Variants in TACC1 observed in about 807,000 individuals in gnomAD.
TACC1 encodes transforming acidic coiled-coil containing protein 1.
In TACC1, 48 loss-of-function variants were observed where a neutral mutation model predicts 84.4. The ratio of observed to expected loss-of-function variants is 0.57; its 90% CI spans 0.45 to 0.72. The LOEUF is 0.72. Ranked by LOEUF, TACC1 falls within the 30% of genes least tolerant of loss-of-function variation. The probability of loss-of-function intolerance (pLI) is 0.00; values close to 1 mark genes in which losing one functional copy is unlikely to be tolerated. For missense variants in TACC1, 920 were observed against 973.0 expected, an observed-to-expected ratio of 0.95 and a Z score of 0.72; for synonymous variants, 372 against 376.3, an observed-to-expected ratio of 0.99 and a Z score of 0.13.
intron 2 of TACC1, among the ~76,000 whole-genome samples, chr8:38,743,292 T>TTGAA (rs3076913): frequency 0.26 from 38,749 of 150,910 alleles, 5,445 homozygotes; most frequent in African/African-American, 0.37. Flanking sequence ...TATATATTTG[T>TTGAA]TGAATGAATG....
intron 2 of TACC1, among the ~76,000 whole-genome samples, chr8:38,791,250 T>C (rs540621920): frequency 1.7e-4 from 26 of 152,224 alleles, no homozygotes; most frequent in Admixed American, 9.8e-4. Flanking sequence ...GACTCTCACA[T>C]TTTTTTCATT....
Position 38,787,249 on chromosome 8 carries a change from G to A in TACC1, c.-334G>A, listed in dbSNP as rs1817426643. 1 of 1,025,452 alleles carries A rather than the reference G, an allele frequency of 9.8e-7. No individual in the cohort carries two copies. The allele number at this position is 1,025,452 out of a possible 1,614,324, so 63.5% of individuals were successfully genotyped here. Reference sequence around the variant, plus strand: ...GCCGGGAGGCGGGAGTCCGCGAGCCGGGAGCGGGAGCAGCAGAGGTCTAGC... The same window carrying A: ...GCCGGGAGGCGGGAGTCCGCGAGCCAGGAGCGGGAGCAGCAGAGGTCTAGC... On this transcript the variant is annotated 5_prime_UTR_variant, in exon 1 of 13. Transcript: ENST00000317827.
At chr8:38,746,291 G>T (rs1808078824) in intron 3 of TACC1, among the ~76,000 whole-genome samples, 1 of 152,158 alleles carries the variant, frequency 6.6e-6, no homozygotes, top group African/African-American at 2.4e-5. Flanking sequence ...CAAATGGAAA[G>T]CCCCCTTTTT....
intron 4 of TACC1, among the ~76,000 whole-genome samples, chr8:38,825,980 C>A (rs527550786): frequency 1.3e-5 from 2 of 152,242 alleles, no homozygotes; most frequent in African/African-American, 4.8e-5. Context: ...TACATTCTAG[C>A]AATAAATAAT....
At chr8:38,823,970 T>C (rs1428707106) in intron 3 of TACC1, 2 of 1,351,526 alleles carry the variant, frequency 1.5e-6, no homozygotes, top group Non-Finnish European at 2.0e-6. Flanking sequence ...TTCCTGTCTC[T>C]AATTTTGTTG....
chr8:38,828,205 T>C (rs925599759), intron 5 of TACC1: 3 of 152,226 alleles, frequency 2.0e-5, no homozygotes, highest in African/African-American at 7.2e-5. Context: ...TTTAAGTGCT[T>C]TGCATATACT....
At position 38,849,933 on chromosome 8, in the gene TACC1, AATTTTGC is replaced by A. The variant is rs1458358652; in HGVS notation, c.*1919_*1925del. On this transcript the variant is annotated 3_prime_UTR_variant, in exon 13 of 13. Transcript: ENST00000317827. Reference sequence around the variant, plus strand: ...TTAGTCCTCTACTGCTAAATAAGTTAATTTTGCATTTTGCAGAAAGAAACATTGATTG... The same window carrying A: ...TTAGTCCTCTACTGCTAAATAAGTTAATTTTGCAGAAAGAAACATTGATTG... The A allele has an allele frequency of 6.6e-6, 1 of 152,610 alleles. No homozygotes were observed. The highest frequency in any genetic ancestry group is 2.4e-5 in the African/African-American group (1 of 41,446). The allele number at this position is 152,610 out of a possible 1,614,324, so 9.5% of individuals were successfully genotyped here.
At chr8:38,834,108 A>T (rs1829771781) in intron 6 of TACC1, among the ~76,000 whole-genome samples, 1 of 152,208 alleles carries the variant, frequency 6.6e-6, no homozygotes. Flanking sequence ...GTGCGTCAGG[A>T]ATCTTGGGCA....
chr8:38,779,989 A>C (rs1815612409), intron 3 of TACC1, among the ~76,000 whole-genome samples: 1 of 152,216 alleles, frequency 6.6e-6, no homozygotes, highest in Non-Finnish European at 1.5e-5. Context: ...TTCCTTAGGT[A>C]ATAACAATAC....
At chr8:38,748,957 G>A (rs11992001) in intron 3 of TACC1, among the ~76,000 whole-genome samples, 30,154 of 151,286 alleles carry the variant, frequency 0.2, 3,448 homozygotes, top group African/African-American at 0.32. Flanking sequence ...AGACATCAAT[G>A]AATTAGAGAA....
At chr8:38,843,234 G>A (rs749647489) in intron 10 of TACC1, 55 bp from the exon 11 acceptor site, 115 of 1,208,828 alleles carry the variant, frequency 9.5e-5, no homozygotes, top group Non-Finnish European at 1.2e-4. Context: ...CTGATATGTG[G>A]TAGATTAGAA....
intron 3 of TACC1, among the ~76,000 whole-genome samples, chr8:38,822,821 A>T (rs1294053533): frequency 6.6e-6 from 1 of 152,206 alleles, no homozygotes; most frequent in East Asian, 1.9e-4. Flanking sequence ...TCAGGACATC[A>T]CTAGACAATA....
rs1826250802 is a variant in TACC1, at chr8:38,819,796, T to G, written c.552T>G (p.Pro184=). ...CTGCAGTCTCAGGCAAGGCTCTGCC[T>G]TCCAGCCCGCCAGACGCCCTCCAGG... ...CVTAVSGKAL[P]SSPPDALQDE... is the part of the protein sequence containing the mutation. The change falls in exon 3 of 13, where the codon CCT becomes CCG. Residue 184 remains proline, a synonymous_variant. Coordinates refer to ENST00000317827, the MANE Select transcript of TACC1 (RefSeq NM_006283.3). 4 of 1,613,948 alleles carry G rather than the reference T, an allele frequency of 2.5e-6. No individual in the cohort carries two copies. Among genetic ancestry groups the G allele is most frequent in the Non-Finnish European group, 3.4e-6 (4 of 1,180,028 alleles).
At chr8:38,734,656 A>G (rs1045365627) in intron 1 of TACC1, among the ~76,000 whole-genome samples, 8 of 152,194 alleles carry the variant, frequency 5.3e-5, no homozygotes, top group Non-Finnish European at 1.2e-4. Flanking sequence ...AACTTTCCAT[A>G]GTTTGACTTT....
intron 6 of TACC1, among the ~76,000 whole-genome samples, chr8:38,835,853 C>G (rs1435226499): frequency 6.6e-6 from 1 of 152,208 alleles, no homozygotes; most frequent in Non-Finnish European, 1.5e-5. Context: ...GTGTGTTTCT[C>G]TTTTATCCAT....
rs776509630 is a variant in TACC1 at position 38,827,291 on chromosome 8, G to A, written c.1576G>A (p.Glu526Lys). The A allele has an allele frequency of 2.5e-6, 4 of 1,614,184 alleles. 1 individual carries two copies. The highest frequency in any genetic ancestry group is 3.3e-5 in the Admixed American group (2 of 60,014). ...ATCAGCTGGTGCCGAGGTGAAAGGT[G>A]AGCCAGAGGAAGACCTGGAGTACTT... Reference protein sequence around the residue: ...QKSAGAEVKGEPEEDLEYFEC... With the variant: ...QKSAGAEVKGKPEEDLEYFEC... The change falls in exon 5 of 13, where the codon GAG becomes AAG. Residue 526 changes from glutamate (E) to lysine (K), a missense_variant. Coordinates refer to ENST00000317827, the MANE Select transcript of TACC1 (RefSeq NM_006283.3).
chr8:38,843,103 G>A (rs1401083334), intron 10 of TACC1, among the ~76,000 whole-genome samples, 186 bp from the exon 11 acceptor site: 2 of 152,196 alleles, frequency 1.3e-5, no homozygotes, highest in Non-Finnish European at 2.9e-5. Context: ...ATTAACACAT[G>A]AAGACATTAT....
At chr8:38,799,684 A>G (rs185788374) in intron 2 of TACC1, 107 of 152,354 alleles carry the variant, frequency 7.0e-4, no homozygotes, top group Middle Eastern at 3.4e-3. Flanking sequence ...CATATACCAT[A>G]CTTGGCTACA....
At chr8:38,733,611 A>C (rs1195912746) in intron 1 of TACC1, among the ~76,000 whole-genome samples, 3 of 151,990 alleles carry the variant, frequency 2.0e-5, no homozygotes, top group Non-Finnish European at 4.4e-5. Flanking sequence ...TTTTCAGAAC[A>C]ATTCCTAGCA....
Sources: allele counts gnomAD v4.1 joint callset (sites outside exome capture counted in the v4.1 genomes callset), GRCh38; gene constraint gnomAD v4.1.1; transcripts MANE v1.5; gene names NCBI Gene and HGNC (gene_info 2026-07-23, HGNC 2026-07-21).